Variants in RUNX2 observed in about 807,000 individuals in gnomAD.
RUNX2 encodes the protein RUNX family transcription factor 2, also known as runt-related transcription factor 2.
A neutral mutation model predicts 51.7 loss-of-function variants in RUNX2; 10 were observed. The ratio of observed to expected loss-of-function variants is 0.19; its 90% CI spans 0.12 to 0.33. RUNX2 has a LOEUF of 0.33. RUNX2 is among the 10% of genes least tolerant of loss of function. RUNX2 has a pLI of 1.00. For missense variants in RUNX2, 562 were observed against 691.3 expected, an observed-to-expected ratio of 0.81 and a Z score of 2.10; for synonymous variants, 276 against 273.6, an observed-to-expected ratio of 1.01 and a Z score of -0.09.
chr6:45,392,106 C>A (rs922563123), intron 2 of RUNX2, among the ~76,000 whole-genome samples: 2 of 152,154 alleles, frequency 1.3e-5, no homozygotes, highest in Admixed American at 6.5e-5. Flanking sequence ...GAACTAGAGG[C>A]TCTGGGGAAC....
chr6:45,446,020 G>A (rs1223098744), intron 5 of RUNX2, among the ~76,000 whole-genome samples: 1 of 152,172 alleles, frequency 6.6e-6, no homozygotes, highest in Admixed American at 6.5e-5. Flanking sequence ...CTGTGGAACT[G>A]ATGCAAGGAT....
chr6:45,333,571 G>A (rs1029394943), intron 2 of RUNX2, among the ~76,000 whole-genome samples: 5 of 151,360 alleles, frequency 3.3e-5, no homozygotes, highest in Admixed American at 3.3e-4. Flanking sequence ...TGAATAGAAA[G>A]AAGCCTAACT....
At chr6:45,500,810 G>A (rs1332695064) in intron 6 of RUNX2, among the ~76,000 whole-genome samples, 1 of 152,188 alleles carries the variant, frequency 6.6e-6, no homozygotes, top group Non-Finnish European at 1.5e-5. Context: ...GGCTGTCGTG[G>A]ACCGTCTGTC....
At position 45,328,492 on chromosome 6, in the gene RUNX2, A is replaced by G. The variant is rs377010342; in HGVS notation, c.-67+32A>G. ...GCTCTCTAACCACAGTCTATGCAGT[A>G]ATAGTAGGTCCTTCAAATATTTGCT... On this transcript the variant is annotated intron_variant, in intron 1 of 8. Transcript: ENST00000647337. The G allele has an allele frequency of 4.0e-5, 61 of 1,515,354 alleles. 1 individual carries two copies. In the South Asian group the frequency reaches 5.7e-4, roughly 14 times the overall value. The allele number at this position is 1,515,354 out of a possible 1,614,324, so 93.9% of individuals were successfully genotyped here.
chr6:45,536,800 A>G (rs373630559), intron 7 of RUNX2, among the ~76,000 whole-genome samples: 7 of 152,308 alleles, frequency 4.6e-5, no homozygotes, highest in African/African-American at 1.7e-4. Flanking sequence ...ATCTGAAAAC[A>G]TTGGGCTTTG....
In RUNX2 at chr6:45,422,906, G is replaced by C. The variant is rs765787677; in HGVS notation, c.372G>C (p.Ser124=). Reference sequence around the variant, plus strand: ...CCGACAGCCCCAACTTCCTGTGCTCGGTGCTGCCCTCGCACTGGCGCTGCA... The same window carrying C: ...CCGACAGCCCCAACTTCCTGTGCTCCGTGCTGCCCTCGCACTGGCGCTGCA... ...VRTDSPNFLC[S]VLPSHWRCNK... Residue 124 remains serine (S), a synonymous_variant, in exon 3 of 9, where the codon TCG becomes TCC. Coordinates refer to ENST00000647337, the MANE Select transcript of RUNX2 (RefSeq NM_001024630.4). The C allele has an allele frequency of 3.1e-6, 5 of 1,612,658 alleles. No individual in the cohort carries two copies. In the East Asian group the frequency reaches 8.9e-5, roughly 29 times the overall value.
At chr6:45,532,949 C>T (rs1199990964) in intron 7 of RUNX2, among the ~76,000 whole-genome samples, 1 of 147,248 alleles carries the variant, frequency 6.8e-6, no homozygotes, top group Non-Finnish European at 1.5e-5. Context: ...ACAAGTAGCT[C>T]CTCTCAGACA....
At chr6:45,530,238 G>T (rs1397982318) in intron 7 of RUNX2, among the ~76,000 whole-genome samples, 1 of 152,176 alleles carries the variant, frequency 6.6e-6, no homozygotes, top group African/African-American at 2.4e-5. Flanking sequence ...TAATAAAAAG[G>T]TTAAATCTCA....
At chr6:45,376,127 T>C (rs1172270153) in intron 2 of RUNX2, among the ~76,000 whole-genome samples, 1 of 152,238 alleles carries the variant, frequency 6.6e-6, no homozygotes, top group East Asian at 1.9e-4. Context: ...GTTAATACTG[T>C]CATAGCTCTC....
rs192232361 is a variant in RUNX2, at chr6:45,442,966, G to A, written c.685+4915G>A. ...GCCTCTCCATGTGGTCTTTCCCGCT[G>A]AGTCTGACTTCTCACATGGCGGCAG... On this transcript the variant is annotated intron_variant, in intron 5 of 8. Coordinates refer to ENST00000647337, the MANE Select transcript of RUNX2 (RefSeq NM_001024630.4). 1.5e-3 allele frequency among the ~76,000 whole-genome samples: 224 copies of A among 150,512 alleles called. 1 individual carries two copies. Among genetic ancestry groups the A allele is most frequent in the Admixed American group, 3.8e-3 (57 of 15,134 alleles).
chr6:45,525,766 G>A lies in RUNX2; in HGVS notation c.1021+13359G>A, dbSNP rs368541189. Among the ~76,000 whole-genome samples, 368 of 152,116 alleles carry A rather than the reference G, an allele frequency of 2.4e-3. 4 individuals carry two copies. The highest frequency in any genetic ancestry group is 7.7e-3 in the African/African-American group (320 of 41,494). On this transcript the variant is annotated intron_variant, in intron 7 of 8. Coordinates refer to ENST00000647337, the MANE Select transcript of RUNX2 (RefSeq NM_001024630.4). ...TCCTAGCACTTTGGGAGGCTGAGGC[G>A]GGCAGTTTGCTTGAGCCCAGCAGTT...
intron 2 of RUNX2, among the ~76,000 whole-genome samples, chr6:45,339,323 T>C (rs1225310324): frequency 6.6e-6 from 1 of 152,120 alleles, no homozygotes; most frequent in Non-Finnish European, 1.5e-5. Context: ...TCAGAACTTT[T>C]TTAAAACAAA....
chr6:45,510,176 C>T (rs2150419581), intron 6 of RUNX2, among the ~76,000 whole-genome samples: 1 of 152,272 alleles, frequency 6.6e-6, no homozygotes, highest in South Asian at 2.1e-4. Flanking sequence ...GAAATGTTGC[C>T]AATCTCTACA....
At chr6:45,452,913 A>G (rs1245464835) in intron 5 of RUNX2, among the ~76,000 whole-genome samples, 1 of 152,160 alleles carries the variant, frequency 6.6e-6, no homozygotes, top group East Asian at 1.9e-4. Context: ...AAGAACATTT[A>G]GACCCTTAGC....
intron 2 of RUNX2, among the ~76,000 whole-genome samples, chr6:45,361,280 A>G (rs1234049948): frequency 6.6e-6 from 1 of 152,172 alleles, no homozygotes; most frequent in Non-Finnish European, 1.5e-5. Context: ...CATGTAAACA[A>G]GATTTTTTCA....
chr6:45,538,998 C>A (rs550271323), intron 7 of RUNX2, among the ~76,000 whole-genome samples: 2 of 152,264 alleles, frequency 1.3e-5, no homozygotes, highest in Non-Finnish European at 2.9e-5. Context: ...CAAGGCCTAG[C>A]AGGAAGATCT....
intron 2 of RUNX2, among the ~76,000 whole-genome samples, chr6:45,408,663 A>C (rs1797887321): frequency 6.6e-6 from 1 of 152,020 alleles, no homozygotes; most frequent in Non-Finnish European, 1.5e-5. Flanking sequence ...GGTCAAGCAG[A>C]ATGGAAGGAC....
intron 2 of RUNX2, among the ~76,000 whole-genome samples, chr6:45,374,502 A>T (rs1796504972): frequency 6.6e-6 from 1 of 152,232 alleles, no homozygotes; most frequent in African/African-American, 2.4e-5. Context: ...CAAGTGTTAG[A>T]GCCTCAATAA....
At position 45,378,028 on chromosome 6, in the gene RUNX2, C is replaced by G. The variant is rs889105661; in HGVS notation, c.59-44565C>G. 4.6e-5 allele frequency: 7 copies of G among 151,912 alleles called. No homozygotes were observed. The East Asian group carries it at 1.2e-3, about 25-fold the overall frequency. The allele number at this position is 151,912 out of a possible 1,614,324, so 9.4% of individuals were successfully genotyped here. A position where few individuals can be genotyped will look rare whatever the true frequency, so the allele number is the denominator to read the frequency against. The stretch of plus-strand genomic sequence containing the variant: ...TGAGGAGTAAGCGATACGGACGCCC[C>G]CCGCACTGGCAGTGCGGGCGCATGC... On this transcript the variant is annotated intron_variant, in intron 2 of 8. Coordinates refer to ENST00000647337, the MANE Select transcript of RUNX2 (RefSeq NM_001024630.4).
Sources: allele counts gnomAD v4.1 joint callset (sites outside exome capture counted in the v4.1 genomes callset), GRCh38; gene constraint gnomAD v4.1.1; transcripts MANE v1.5; gene names NCBI Gene and HGNC (gene_info 2026-07-23, HGNC 2026-07-21).